Variants in PCDHGB1 observed in about 807,000 individuals in gnomAD.
The protein encoded by PCDHGB1 is protocadherin gamma subfamily B, 1.
In PCDHGB1, 34 loss-of-function variants were observed where a neutral mutation model predicts 56.6. The observed-to-expected ratio is 0.60, with a 90% CI of 0.46 to 0.80. The LOEUF is 0.80. Among genes scored for constraint, PCDHGB1 ranks in the 30% least tolerant of loss-of-function variants. The pLI is 0.00. For synonymous variants in PCDHGB1, 561 were observed against 505.9 expected (o/e 1.11, Z -1.46); for missense variants, 1,278 against 1,204.6 (o/e 1.06, Z -0.90).
intron 2 of PCDHGB1, among the ~76,000 whole-genome samples, chr5:141,497,880 T>C (rs2099780200): frequency 6.6e-6 from 1 of 152,170 alleles, no homozygotes; most frequent in Non-Finnish European, 1.5e-5. Context: ...GAAATAAGCG[T>C]TAGGATCTAG....
chr5:141,403,038 G>A, intron 1 of PCDHGB1: 1 of 1,614,088 alleles, frequency 6.2e-7, no homozygotes, highest in Non-Finnish European at 8.5e-7. Context: ...GCCAGGGCCA[G>A]TCAGATTCGC....
intron 1 of PCDHGB1, among the ~76,000 whole-genome samples, chr5:141,362,829 T>A (rs1211697961): frequency 6.6e-6 from 1 of 152,260 alleles, no homozygotes. Flanking sequence ...GATTTGTTGC[T>A]ATTGAGACTT....
intron 1 of PCDHGB1, chr5:141,441,702 A>G: frequency 3.2e-6 from 1 of 309,906 alleles, no homozygotes. Context: ...GCGAGCCTTC[A>G]AGCTCACGCT....
In PCDHGB1 at chr5:141,511,519, C is replaced by G; in HGVS notation, c.*346C>G. 2.7e-6 allele frequency: 1 copy of G among 367,516 alleles called. No homozygotes were observed. Among genetic ancestry groups the G allele is most frequent in the African/African-American group, 2.1e-5 (1 of 48,286 alleles). 22.8% of individuals were successfully genotyped at this position (367,516 alleles called of 1,614,324 possible). A position where few individuals can be genotyped will look rare whatever the true frequency, so the allele number is the denominator to read the frequency against. ...CCAAATCAATCAGGCCCATCCATCC[C>G]ATGCCTCCCTCCTCCCCACCCCACT... On this transcript the variant is annotated 3_prime_UTR_variant, in exon 4 of 4. Coordinates refer to ENST00000523390, the MANE Select transcript of PCDHGB1 (RefSeq NM_018922.3).
chr5:141,489,431 T>C lies in PCDHGB1; in HGVS notation c.2410-5376T>C. 6.2e-7 allele frequency: 1 copy of C among 1,614,132 alleles called. No individual in the cohort carries two copies. Among genetic ancestry groups the C allele is most frequent in the Non-Finnish European group, 8.5e-7 (1 of 1,180,024 alleles). On this transcript the variant is annotated intron_variant, in intron 1 of 3. Transcript: ENST00000523390. This position sits in a 1 kb window ranked among gnomAD's most constrained non-coding sequence, Gnocchi z 4.5. ...ATGACAGATCTGTTGAGCCGGCGGC[T>C]GCAATTGGGCTCTGAGGAGAATGGG...
At chr5:141,482,530 CAAA>C (rs3074545) in intron 1 of PCDHGB1, among the ~76,000 whole-genome samples, 29 of 76,552 alleles carry the variant, frequency 3.8e-4, no homozygotes, top group African/African-American at 9.1e-4. Context: ...GACAGACATG[CAAA>C]AAAAAAAAAA....
intron 1 of PCDHGB1, chr5:141,416,261 A>G (rs2096009073): frequency 6.6e-6 from 1 of 152,294 alleles, no homozygotes; most frequent in Non-Finnish European, 1.5e-5. Flanking sequence ...ACACTGCAGT[A>G]TCCTTTTTGC....
chr5:141,432,369 A>G lies in PCDHGB1; in HGVS notation c.2410-62438A>G. 6.2e-7 allele frequency: 1 copy of G among 1,614,222 alleles called. No homozygotes were observed. The highest frequency in any genetic ancestry group is 1.1e-5 in the South Asian group (1 of 91,084). ...CAAGTGAAAGTGATGGCGCGGGACA[A>G]CGGGCACCCGCCCCTCAGCAGCAAC... On this transcript the variant is annotated intron_variant, in intron 1 of 3. Coordinates refer to ENST00000523390, the MANE Select transcript of PCDHGB1 (RefSeq NM_018922.3). The surrounding 1 kb of genome is among the most constrained non-coding windows in gnomAD (Gnocchi z 6.0).
chr5:141,366,569 C>A (rs766850721), intron 1 of PCDHGB1: 1 of 1,614,110 alleles, frequency 6.2e-7, no homozygotes, highest in Non-Finnish European at 8.5e-7. Context: ...GGATGGGGTT[C>A]GGGCTTTCCT....
intron 1 of PCDHGB1, chr5:141,383,514 G>C (rs778204328): frequency 6.2e-7 from 1 of 1,612,718 alleles, no homozygotes; most frequent in African/African-American, 1.3e-5. Context: ...GGGAGGAAGA[G>C]CGGGTTCACC....
At chr5:141,376,418 C>T (rs1354597104) in intron 1 of PCDHGB1, 1 of 1,614,112 alleles carries the variant, frequency 6.2e-7, no homozygotes, top group Admixed American at 1.7e-5. Flanking sequence ...TGCCGACACG[C>T]TTATCAACCA....
chr5:141,365,084 C>T lies in PCDHGB1; in HGVS notation c.2409+12415C>T, dbSNP rs75563633. The T allele has an allele frequency of 1.4e-5, 22 of 1,613,718 alleles. No homozygotes were observed. The South Asian group carries it at 1.4e-4, about 10-fold the overall frequency. On this transcript the variant is annotated intron_variant, in intron 1 of 3. Transcript: ENST00000523390. Reference sequence around the variant, plus strand: ...CCCATCCGAGTACAGCGTGAGTGTTCCAGAGAACATACCTGTGGGCACTCG... The same window carrying T: ...CCCATCCGAGTACAGCGTGAGTGTTTCAGAGAACATACCTGTGGGCACTCG...
At chr5:141,466,549 T>C (rs778708029) in intron 1 of PCDHGB1, among the ~76,000 whole-genome samples, 2 of 152,244 alleles carry the variant, frequency 1.3e-5, no homozygotes, top group African/African-American at 2.4e-5. Flanking sequence ...GGTCTTTTGC[T>C]GTGGGCTTCA....
rs1218261413 is a variant in PCDHGB1 at position 141,370,605 on chromosome 5, G to A, written c.2409+17936G>A. 2.5e-6 allele frequency: 4 copies of A among 1,613,858 alleles called. No individual in the cohort carries two copies. The African/African-American group carries it at 4.0e-5, about 16-fold the overall frequency. On this transcript the variant is annotated intron_variant, in intron 1 of 3. Coordinates refer to ENST00000523390, the MANE Select transcript of PCDHGB1 (RefSeq NM_018922.3). ...TACTAGGAACCTGCGGGTTATTGCA[G>A]AGAAGAAATTCTTTACCGTGAGCCC...
Position 141,365,890 on chromosome 5 carries a change from C to T in PCDHGB1, c.2409+13221C>T, listed in dbSNP as rs780121604. On this transcript the variant is annotated intron_variant, in intron 1 of 3. Transcript: ENST00000523390. ...GTGTCCTGTATGCTCTGAGATCCTT[C>T]GACTATGAGCAGTTGAGAGACCTAC... The T allele has an allele frequency of 3.1e-6, 5 of 1,614,140 alleles. No individual in the cohort carries two copies. The Admixed American group carries it at 6.7e-5, about 22-fold the overall frequency.
chr5:141,430,151 A>T (rs774490087), intron 1 of PCDHGB1, among the ~76,000 whole-genome samples: 8 of 152,166 alleles, frequency 5.3e-5, no homozygotes, highest in Non-Finnish European at 8.8e-5. Flanking sequence ...GGATCATTCA[A>T]GGAATCTATT....
intron 1 of PCDHGB1, chr5:141,423,754 G>C: frequency 1.7e-6 from 1 of 577,836 alleles, no homozygotes. Flanking sequence ...ACTGTTTGGG[G>C]GGGGGGTGGG....
At chr5:141,506,682 C>T (rs1333272766) in intron 3 of PCDHGB1, among the ~76,000 whole-genome samples, 4 of 152,192 alleles carry the variant, frequency 2.6e-5, no homozygotes, top group African/African-American at 9.6e-5. Context: ...ATATTATTAT[C>T]TTTGCTGACC....
chr5:141,420,050 C>A, intron 1 of PCDHGB1: 1 of 1,614,076 alleles, frequency 6.2e-7, no homozygotes. Context: ...TGAGTCAGTT[C>A]TCTGCTCCAA....
Sources: allele counts gnomAD v4.1 joint callset (sites outside exome capture counted in the v4.1 genomes callset), GRCh38; gene constraint gnomAD v4.1.1; non-coding constraint Gnocchi (gnomAD v3.1); transcripts MANE v1.5; gene names NCBI Gene and HGNC (gene_info 2026-07-23, HGNC 2026-07-21).